The following PATJ variants were observed in gnomAD, a reference collection of about 807,000 sequenced individuals.
PATJ encodes PATJ crumbs cell polarity complex component, also known as inaD-like protein.
Under a neutral mutation model 224.9 loss-of-function variants are expected in PATJ, and 190 were observed. The observed-to-expected ratio is 0.84, with a 90% CI of 0.75 to 0.95. The LOEUF is 0.95. Ranked by LOEUF, PATJ falls within the 40% of genes least tolerant of loss-of-function variation. The pLI is 0.00. For missense variants in PATJ, 2,121 were observed against 2,270.3 expected (o/e 0.93, Z 1.34); for synonymous variants, 769 against 820.3 (o/e 0.94, Z 1.07).
chr1:62,146,417 G>A (rs927553354), intron 41 of PATJ, among the ~76,000 whole-genome samples: 12 of 152,186 alleles, frequency 7.9e-5, no homozygotes, highest in Admixed American at 2.6e-4. Flanking sequence ...CATCCTAGCC[G>A]CTATGGATGG....
intron 31 of PATJ, among the ~76,000 whole-genome samples, chr1:62,066,171 T>C (rs1656375217): frequency 6.6e-6 from 1 of 152,190 alleles, no homozygotes; most frequent in South Asian, 2.1e-4. Flanking sequence ...CAGCTAATGC[T>C]TTCATGGCAT....
At chr1:61,761,696 T>A (rs74848326) in intron 1 of PATJ, among the ~76,000 whole-genome samples, 1 of 151,014 alleles carries the variant, frequency 6.6e-6, no homozygotes, top group Non-Finnish European at 1.5e-5. Context: ...TTTTTTTTTT[T>A]AATTTTTGAG....
intron 1 of PATJ, among the ~76,000 whole-genome samples, chr1:61,752,138 C>A (rs369487451): frequency 4.9e-4 from 58 of 117,884 alleles, no homozygotes; most frequent in South Asian, 8.5e-4. Flanking sequence ...AACATCATCT[C>A]AAAAAAAAAA....
intron 7 of PATJ, among the ~76,000 whole-genome samples, chr1:61,784,670 T>G (rs987804287): frequency 6.6e-6 from 1 of 152,080 alleles, no homozygotes; most frequent in Non-Finnish European, 1.5e-5. Context: ...ATTTTTTAAT[T>G]TTTTGATCAG....
At chr1:61,795,400 T>C in intron 9 of PATJ, 67 bp from the exon 10 acceptor site, 1 of 843,962 alleles carries the variant, frequency 1.2e-6, no homozygotes, top group Non-Finnish European at 1.9e-6. Flanking sequence ...AACCTCTTGA[T>C]ACAAATTTTG....
At chr1:61,747,311 A>G (rs566312197) in intron 1 of PATJ, among the ~76,000 whole-genome samples, 2 of 152,022 alleles carry the variant, frequency 1.3e-5, no homozygotes, top group African/African-American at 2.4e-5. Context: ...AGTCAGTGGG[A>G]TAGATCGATG....
chr1:61,799,637 T>G (rs913928294), intron 11 of PATJ, among the ~76,000 whole-genome samples: 1 of 152,184 alleles, frequency 6.6e-6, no homozygotes, highest in Non-Finnish European at 1.5e-5. Flanking sequence ...GGTTTGGTCT[T>G]CTAGTATACC....
At position 61,884,391 on chromosome 1, in the gene PATJ, A is replaced by G. The variant is rs1571104045; in HGVS notation, c.3114A>G (p.Arg1038=). 1.2e-6 allele frequency: 2 copies of G among 1,601,888 alleles called. No homozygotes were observed. Among genetic ancestry groups the G allele is most frequent in the Non-Finnish European group, 1.7e-6 (2 of 1,174,702 alleles). Residue 1038 remains arginine, a synonymous_variant, in exon 22 of 44, where the codon AGA becomes AGG. Coordinates refer to ENST00000642238, the MANE Select transcript of PATJ (RefSeq NM_001350145.3). ...ASAYTGMLSS[R]YATDTCELPE... ...CATACACAGGAATGTTGTCTTCTAGATATGCCACTGATACATGGTATGATA... is the reference window on the plus strand; with the variant it reads ...CATACACAGGAATGTTGTCTTCTAGGTATGCCACTGATACATGGTATGATA...
chr1:61,947,692 T>C (rs191719748), intron 27 of PATJ, among the ~76,000 whole-genome samples: 1 of 152,286 alleles, frequency 6.6e-6, no homozygotes, highest in African/African-American at 2.4e-5. Flanking sequence ...AATGACTTTC[T>C]TCACAGAATT....
intron 27 of PATJ, among the ~76,000 whole-genome samples, chr1:61,972,681 T>C (rs1271881964): frequency 6.6e-6 from 1 of 152,076 alleles, no homozygotes; most frequent in Admixed American, 6.5e-5. Context: ...CTGGTACATA[T>C]AACTACTAGG....
chr1:61,868,193 A>G (rs1365795326), intron 20 of PATJ, among the ~76,000 whole-genome samples: 1 of 152,224 alleles, frequency 6.6e-6, no homozygotes, highest in African/African-American at 2.4e-5. Context: ...TTAGGTATAT[A>G]GTTCAGTGGC....
At chr1:61,834,765 C>G (rs1008576857) in intron 17 of PATJ, among the ~76,000 whole-genome samples, 2 of 152,034 alleles carry the variant, frequency 1.3e-5, no homozygotes, top group Non-Finnish European at 2.9e-5. Flanking sequence ...TTTTTTGAGA[C>G]AGAGTCTCGT....
intron 31 of PATJ, among the ~76,000 whole-genome samples, chr1:62,051,829 G>A (rs888912609): frequency 1.3e-5 from 2 of 152,178 alleles, no homozygotes; most frequent in African/African-American, 4.8e-5. Context: ...CCTAATGTTT[G>A]ATATTTTGTT....
At chr1:61,949,430 C>A (rs541304416) in intron 27 of PATJ, among the ~76,000 whole-genome samples, 1 of 152,022 alleles carries the variant, frequency 6.6e-6, no homozygotes, top group South Asian at 2.1e-4. Flanking sequence ...TACTAAAAAT[C>A]ATTGAATTGT....
intron 27 of PATJ, among the ~76,000 whole-genome samples, chr1:61,964,406 T>A (rs1016812934): frequency 2.0e-5 from 3 of 152,182 alleles, no homozygotes; most frequent in African/African-American, 7.2e-5. Flanking sequence ...ATTTCTTATG[T>A]GTTCTCGACT....
intron 24 of PATJ, among the ~76,000 whole-genome samples, chr1:61,906,817 G>A (rs1671929416): frequency 2.0e-5 from 3 of 152,238 alleles, no homozygotes; most frequent in South Asian, 2.1e-4. Context: ...CCACTCAAGC[G>A]GTTCTTTAGT....
At chr1:62,149,494 T>G (rs1668406933) in intron 42 of PATJ, among the ~76,000 whole-genome samples, 1 of 152,138 alleles carries the variant, frequency 6.6e-6, no homozygotes, top group Non-Finnish European at 1.5e-5. Flanking sequence ...GGAAAGAATA[T>G]TAAATTAAGC....
intron 29 of PATJ, among the ~76,000 whole-genome samples, chr1:62,028,185 T>G (rs1648397884): frequency 6.6e-6 from 1 of 152,192 alleles, no homozygotes; most frequent in African/African-American, 2.4e-5. Context: ...AGGCTATGAC[T>G]TCATTCTTTT....
chr1:61,796,740 CT>C (rs143698836), intron 10 of PATJ, among the ~76,000 whole-genome samples: 8,323 of 49,886 alleles, frequency 0.17, 717 homozygotes, highest in African/African-American at 0.29. Context: ...TTCTTTCTTT[CT>C]TTTTTTTCTT....
Sources: gnomAD v4.1 joint callset for allele counts (sites outside exome capture counted in the v4.1 genomes callset) on GRCh38, gnomAD v4.1.1 for gene constraint, MANE v1.5 for transcripts, NCBI Gene and HGNC (gene_info 2026-07-23, HGNC 2026-07-21) for gene names.